Variants in NTM observed in about 807,000 individuals in gnomAD.
The protein encoded by NTM is neurotrimin, also known as IgLON family member 2.
NTM carries 13 observed loss-of-function variants against 42.1 expected under a neutral mutation model. That is an observed-to-expected ratio of 0.31 (90% confidence interval 0.20 to 0.49). The LOEUF (loss-of-function observed/expected upper bound fraction) is 0.49. Among genes scored for constraint, NTM ranks in the 20% least tolerant of loss-of-function variants. The probability of loss-of-function intolerance (pLI) is 0.99; values close to 1 mark genes in which losing one functional copy is unlikely to be tolerated. For synonymous variants in NTM, 187 were observed against 179.2 expected, an observed-to-expected ratio of 1.04 and a Z score of -0.35; for missense variants, 373 against 452.8, an observed-to-expected ratio of 0.82 and a Z score of 1.60.
intron 1 of NTM, among the ~76,000 whole-genome samples, chr11:131,757,527 C>A (rs2083497915): frequency 6.6e-6 from 1 of 152,150 alleles, no homozygotes; most frequent in Non-Finnish European, 1.5e-5. Context: ...CTCTTCCTGC[C>A]CTTCTAGAAC....
intron 2 of NTM, among the ~76,000 whole-genome samples, chr11:132,076,603 T>C (rs1279882533): frequency 6.6e-6 from 1 of 152,204 alleles, no homozygotes; most frequent in Non-Finnish European, 1.5e-5. Flanking sequence ...GAAGAAAAGA[T>C]GATTTGGTAA....
intron 2 of NTM, among the ~76,000 whole-genome samples, chr11:132,076,512 A>C (rs1162786360): frequency 6.6e-6 from 1 of 152,358 alleles, no homozygotes; most frequent in African/African-American, 2.4e-5. Context: ...TGGAGCTAAC[A>C]TTCTCTTGGA....
intron 1 of NTM, among the ~76,000 whole-genome samples, chr11:131,400,864 G>A (rs373519914): frequency 6.6e-6 from 1 of 152,022 alleles, no homozygotes; most frequent in South Asian, 2.1e-4. Flanking sequence ...CTTGAGCTTT[G>A]AATAAAACCA....
chr11:131,729,841 C>A (rs1312313469), intron 1 of NTM, among the ~76,000 whole-genome samples: 1 of 152,010 alleles, frequency 6.6e-6, no homozygotes, highest in Non-Finnish European at 1.5e-5. Context: ...AAATTGTTAT[C>A]AGTTGATAGA....
intron 1 of NTM, among the ~76,000 whole-genome samples, chr11:131,376,148 T>A (rs1029379636): frequency 1.3e-5 from 2 of 152,192 alleles, no homozygotes; most frequent in African/African-American, 4.8e-5. Flanking sequence ...GGAGCCCAGC[T>A]GATGGGATGG....
At chr11:131,844,263 T>G (rs935084607) in intron 1 of NTM, among the ~76,000 whole-genome samples, 5 of 152,138 alleles carry the variant, frequency 3.3e-5, no homozygotes, top group African/African-American at 1.2e-4. Context: ...ATCTGCAATG[T>G]TGTTTCTTTC....
At chr11:131,711,206 G>A (rs566009220) in intron 1 of NTM, among the ~76,000 whole-genome samples, 6 of 152,178 alleles carry the variant, frequency 3.9e-5, no homozygotes, top group South Asian at 4.2e-4. Context: ...CTACAAAATC[G>A]GAGAAAATTT....
chr11:131,680,133 C>A (rs963641586), intron 1 of NTM, among the ~76,000 whole-genome samples: 54 of 150,256 alleles, frequency 3.6e-4, no homozygotes, highest in African/African-American at 1.2e-3. Context: ...GGAGCCCTGA[C>A]CCCCCATCCT....
intron 3 of NTM, among the ~76,000 whole-genome samples, chr11:132,195,674 G>T (rs2080091878): frequency 6.6e-6 from 1 of 152,062 alleles, no homozygotes; most frequent in African/African-American, 2.4e-5. Context: ...TCATCTAACT[G>T]TTAATAAAGT....
chr11:131,651,962 A>G (rs1013138771), intron 1 of NTM, among the ~76,000 whole-genome samples: 2 of 152,076 alleles, frequency 1.3e-5, no homozygotes, highest in African/African-American at 4.8e-5. Context: ...ACAGATAGAT[A>G]CAGGCCCAAA....
chr11:132,165,741 A>T (rs2075169311), intron 3 of NTM, among the ~76,000 whole-genome samples: 1 of 152,190 alleles, frequency 6.6e-6, no homozygotes, highest in African/African-American at 2.4e-5. Flanking sequence ...CATCCCTAAG[A>T]GGCTGAGCTC....
At chr11:132,210,223 G>A (rs1057370914) in intron 3 of NTM, among the ~76,000 whole-genome samples, 2 of 152,134 alleles carry the variant, frequency 1.3e-5, no homozygotes, top group Non-Finnish European at 2.9e-5. Context: ...AGTTATTCAA[G>A]GAAAGAATAT....
intron 2 of NTM, among the ~76,000 whole-genome samples, chr11:131,918,545 G>A (rs1045493337): frequency 1.3e-5 from 2 of 152,156 alleles, no homozygotes; most frequent in African/African-American, 4.8e-5. Flanking sequence ...GCACAGTGAA[G>A]GTATTTTCCC....
At chr11:131,441,735 G>C (rs953741811) in intron 1 of NTM, among the ~76,000 whole-genome samples, 2 of 152,178 alleles carry the variant, frequency 1.3e-5, no homozygotes, top group African/African-American at 4.8e-5. Flanking sequence ...ACTGTCTTTT[G>C]CATTTGGAAG....
intron 2 of NTM, among the ~76,000 whole-genome samples, chr11:131,938,626 C>G (rs2059475189): frequency 6.6e-6 from 1 of 152,098 alleles, no homozygotes; most frequent in African/African-American, 2.4e-5. Flanking sequence ...CCTGGCTAGT[C>G]TATGTATGAT....
intron 1 of NTM, among the ~76,000 whole-genome samples, chr11:131,583,641 A>G (rs2058609879): frequency 1.3e-5 from 2 of 152,132 alleles, no homozygotes; most frequent in African/African-American, 4.8e-5. Context: ...GGAGGTGCGG[A>G]TTAATATCTG....
chr11:131,924,692 G>C (rs1391728958), intron 2 of NTM, among the ~76,000 whole-genome samples: 1 of 152,190 alleles, frequency 6.6e-6, no homozygotes, highest in Non-Finnish European at 1.5e-5. Flanking sequence ...TTGAATGACA[G>C]CACAGAGCAG....
intron 1 of NTM, among the ~76,000 whole-genome samples, chr11:131,876,504 A>C (rs933125854): frequency 6.6e-6 from 1 of 152,254 alleles, no homozygotes; most frequent in African/African-American, 2.4e-5. Context: ...AATTAATTTT[A>C]ATCTTAGCCC....
At chr11:131,745,443 A>G (rs2081696764) in intron 1 of NTM, among the ~76,000 whole-genome samples, 1 of 152,234 alleles carries the variant, frequency 6.6e-6, no homozygotes, top group Non-Finnish European at 1.5e-5. Flanking sequence ...CTGTGCAAAC[A>G]TTGTAGTATC....
Sources: gnomAD v4.1 joint callset for allele counts (sites outside exome capture counted in the v4.1 genomes callset) on GRCh38, gnomAD v4.1.1 for gene constraint, MANE v1.5 for transcripts, NCBI Gene and HGNC (gene_info 2026-07-23, HGNC 2026-07-21) for gene names.